TEX2: variants seen among roughly 807,000 people sequenced by gnomAD.
TEX2 encodes testis-expressed protein 2.
In TEX2, 53 loss-of-function variants were observed where a neutral mutation model predicts 106.9. The ratio of observed to expected loss-of-function variants is 0.50; its 90% CI spans 0.40 to 0.62. The LOEUF is 0.62. TEX2 is among the 20% of genes least tolerant of loss of function. The pLI is 0.00. For missense variants in TEX2, 1,207 were observed against 1,379.0 expected (o/e 0.88, Z 1.98); for synonymous variants, 523 against 534.8 (o/e 0.98, Z 0.30).
intron 7 of TEX2, among the ~76,000 whole-genome samples, chr17:64,161,174 G>A (rs1362432328): frequency 6.6e-6 from 1 of 152,092 alleles, no homozygotes; most frequent in Non-Finnish European, 1.5e-5. Flanking sequence ...ACAGGATCCT[G>A]GGGAATTCAG....
At chr17:64,167,531 T>C (rs1419959368) in intron 7 of TEX2, among the ~76,000 whole-genome samples, 2 of 152,136 alleles carry the variant, frequency 1.3e-5, no homozygotes, top group Non-Finnish European at 2.9e-5. Context: ...TAAGAATCCC[T>C]GTTTGAGCTG....
intron 1 of TEX2, among the ~76,000 whole-genome samples, chr17:64,247,255 T>A (rs1243509524): frequency 7.2e-6 from 1 of 139,728 alleles, no homozygotes; most frequent in Admixed American, 7.3e-5. Context: ...GGTGACAGAG[T>A]GAGACTCTGT....
chr17:64,164,058 C>T (rs1005358502), intron 7 of TEX2, among the ~76,000 whole-genome samples: 7 of 152,084 alleles, frequency 4.6e-5, no homozygotes, highest in Admixed American at 1.3e-4. Context: ...GCTGGAGGCA[C>T]GCATACGAAG....
chr17:64,196,298 T>C (rs1382502431), intron 2 of TEX2, among the ~76,000 whole-genome samples: 1 of 152,234 alleles, frequency 6.6e-6, no homozygotes, highest in Non-Finnish European at 1.5e-5. Context: ...TTCATTCCCG[T>C]ATCCTATGAC....
At chr17:64,199,817 C>T (rs1385636497) in intron 2 of TEX2, among the ~76,000 whole-genome samples, 1 of 152,194 alleles carries the variant, frequency 6.6e-6, no homozygotes, top group Non-Finnish European at 1.5e-5. Context: ...AGAGACAGTT[C>T]AGGGCCAGTT....
chr17:64,213,447 A>G lies in TEX2; in HGVS notation c.771T>C (p.Gly257=), dbSNP rs782604221. 1.9e-6 allele frequency: 3 copies of G among 1,614,138 alleles called. No individual in the cohort carries two copies. The highest frequency in any genetic ancestry group is 2.2e-5 in the South Asian group (2 of 91,076). The stretch of plus-strand genomic sequence containing the variant: ...AAGAAGGTGCAGTTTTGGAATCTCC[A>G]CCTGTGTTTCGGGGCTGTGTGAACT... The part of the protein sequence containing the change: ...FKQFTQPRNT[G]GDSKTAPSSP... Residue 257 remains glycine (G), a synonymous_variant, in exon 2 of 12, where the codon GGT becomes GGC. Transcript: ENST00000584379. The surrounding 1 kb of genome is among the most constrained non-coding windows in gnomAD (Gnocchi z 4.4).
chr17:64,246,175 A>C (rs1415518755), intron 1 of TEX2, among the ~76,000 whole-genome samples: 1 of 152,202 alleles, frequency 6.6e-6, no homozygotes, highest in Non-Finnish European at 1.5e-5. Flanking sequence ...AAATGGCCAA[A>C]GGCAGAAGAT....
intron 1 of TEX2, among the ~76,000 whole-genome samples, chr17:64,256,976 A>G (rs564603489): frequency 1.3e-5 from 2 of 152,368 alleles, no homozygotes; most frequent in South Asian, 2.1e-4. Flanking sequence ...AATGAAACTT[A>G]TAAAATGCAT....
Position 64,221,886 on chromosome 17 carries a change from T to C in TEX2, c.-25-7644A>G, listed in dbSNP as rs555131773. On this transcript the variant is annotated intron_variant, in intron 1 of 11. Coordinates refer to ENST00000584379, the MANE Select transcript of TEX2 (RefSeq NM_001288732.2). ...ACTACATGGATGAACCTTGAGGACA[T>C]TATGCTAACGAAATAAGCTGACTAG... Among the ~76,000 whole-genome samples the C allele has an allele frequency of 1.4e-3, 209 of 152,296 alleles. 2 individuals carry two copies. The highest frequency in any genetic ancestry group is 2.3e-3 in the Non-Finnish European group (156 of 68,026).
Position 64,213,484 on chromosome 17 carries a change from T to C in TEX2, c.734A>G (p.His245Arg), listed in dbSNP as rs1555632060. The C allele has an allele frequency of 1.2e-6, 2 of 1,614,138 alleles. No individual in the cohort carries two copies. The highest frequency in any genetic ancestry group is 1.6e-4 in the Middle Eastern group (1 of 6,062). ...YKPPDSKLNL[H>R]LFKQFTQPRN... ...GGGCTGTGTGAACTGCTTGAACAGG[T>C]GTAAGTTCAGTTTGGAATCAGGTGG... is the stretch of plus-strand genomic sequence containing the variant. Residue 245 changes from histidine to arginine, a missense_variant, in exon 2 of 12, where the codon CAC becomes CGC. His to Arg is a conservative substitution (Grantham distance 29). Transcript: ENST00000584379. The surrounding 1 kb of genome is among the most constrained non-coding windows in gnomAD (Gnocchi z 4.4).
intron 2 of TEX2, among the ~76,000 whole-genome samples, chr17:64,203,235 G>C (rs1349481881): frequency 6.6e-6 from 1 of 152,166 alleles, no homozygotes; most frequent in Non-Finnish European, 1.5e-5. Context: ...GTGCCTGGCT[G>C]ACAGCAGTAA....
In TEX2 at chr17:64,185,658, T is replaced by C. The variant is rs1354013564; in HGVS notation, c.2424+2510A>G. The stretch of plus-strand genomic sequence containing the variant: ...TTCATCAGAGGCCAGGCACAGTGGC[T>C]CACGCTGTAATTCCACCACTTTGGG... On this transcript the variant is annotated intron_variant, in intron 5 of 11. Coordinates refer to ENST00000584379, the MANE Select transcript of TEX2 (RefSeq NM_001288732.2). This position sits in a 1 kb window ranked among gnomAD's most constrained non-coding sequence, Gnocchi z 4.0. Among the ~76,000 whole-genome samples, 1 of 151,950 alleles carries C rather than the reference T, an allele frequency of 6.6e-6. No individual in the cohort carries two copies. The highest frequency in any genetic ancestry group is 2.4e-5 in the African/African-American group (1 of 41,332).
In TEX2 at chr17:64,188,327, G is replaced by C; in HGVS notation, c.2265C>G (p.Ile755Met). ...GCTCCTTCTGCTTTGGCTGTGACATGATCTCCTCCACACTGCCTTTGCTGC... is the reference window on the plus strand; with the variant it reads ...GCTCCTTCTGCTTTGGCTGTGACATCATCTCCTCCACACTGCCTTTGCTGC... ...RSSSKGSVEE[I>M]MSQPKQKELA... Residue 755 changes from isoleucine to methionine, a missense_variant, in exon 5 of 12, where the codon ATC becomes ATG. Ile to Met is a conservative substitution (Grantham distance 10). Around this residue, in one of 3 missense-constraint regions of TEX2, gnomAD observed 1,067 missense variants for 1,193.6 expected, o/e 0.89. Coordinates refer to ENST00000584379, the MANE Select transcript of TEX2 (RefSeq NM_001288732.2). 1 of 1,614,206 alleles carries C rather than the reference G, an allele frequency of 6.2e-7. No individual in the cohort carries two copies. Among genetic ancestry groups the C allele is most frequent in the Non-Finnish European group, 8.5e-7 (1 of 1,180,034 alleles).
intron 1 of TEX2, among the ~76,000 whole-genome samples, chr17:64,262,735 G>C (rs531823604): frequency 6.6e-6 from 1 of 152,376 alleles, no homozygotes; most frequent in South Asian, 2.1e-4. Flanking sequence ...ACCTCTGACA[G>C]ATTCGAGTAA....
intron 1 of TEX2, among the ~76,000 whole-genome samples, chr17:64,249,026 C>T (rs2034042625): frequency 6.7e-6 from 1 of 150,196 alleles, no homozygotes; most frequent in Non-Finnish European, 1.5e-5. Flanking sequence ...CAGAACAAGA[C>T]TTTGTCTCAA....
chr17:64,254,591 A>G (rs1262847476), intron 1 of TEX2, among the ~76,000 whole-genome samples: 2 of 152,236 alleles, frequency 1.3e-5, no homozygotes, highest in Non-Finnish European at 2.9e-5. Context: ...GGTTGTTTGC[A>G]TGTTTGATGT....
At chr17:64,243,503 T>G (rs2033930319) in intron 1 of TEX2, among the ~76,000 whole-genome samples, 2 of 152,226 alleles carry the variant, frequency 1.3e-5, no homozygotes, top group Non-Finnish European at 2.9e-5. Context: ...GAAGCACTAC[T>G]GTCAGGCTGT....
chr17:64,197,685 A>G (rs1555629540), intron 2 of TEX2, among the ~76,000 whole-genome samples: 1 of 152,162 alleles, frequency 6.6e-6, no homozygotes, highest in African/African-American at 2.4e-5. Context: ...CAGCCTCCCA[A>G]GTAGCAAGGG....
chr17:64,259,700 C>A (rs565428470), intron 1 of TEX2, among the ~76,000 whole-genome samples: 2 of 152,204 alleles, frequency 1.3e-5, no homozygotes, highest in African/African-American at 4.8e-5. Flanking sequence ...AACCATTCAT[C>A]CTGTCAGTGG....
Sources: gnomAD v4.1 joint callset for allele counts (sites outside exome capture counted in the v4.1 genomes callset) on GRCh38, gnomAD v4.1.1 for gene constraint, gnomAD v4.1.1 regional missense constraint, Gnocchi (gnomAD v3.1) non-coding constraint, MANE v1.5 for transcripts, NCBI Gene and HGNC (gene_info 2026-07-23, HGNC 2026-07-21) for gene names.